RYR3: variants seen among roughly 807,000 people sequenced by gnomAD.
RYR3 encodes brain ryanodine receptor-calcium release channel.
Under a neutral mutation model 584.3 loss-of-function variants are expected in RYR3, and 207 were observed. The observed-to-expected ratio is 0.35, with a 90% CI of 0.32 to 0.40. RYR3 has a LOEUF of 0.40. Ranked by LOEUF, RYR3 falls within the 10% of genes least tolerant of loss-of-function variation. RYR3 has a pLI of 1.00. For synonymous variants in RYR3, 2,416 were observed against 2,248.5 expected (o/e 1.07, Z -2.11); for missense variants, 5,616 against 6,089.2 (o/e 0.92, Z 2.59).
At chr15:33,492,601 G>T (rs1051984831) in intron 2 of RYR3, among the ~76,000 whole-genome samples, 1 of 152,164 alleles carries the variant, frequency 6.6e-6, no homozygotes, top group African/African-American at 2.4e-5. Context: ...GTTTTCCTTG[G>T]CTTTCATTGC....
intron 3 of RYR3, among the ~76,000 whole-genome samples, chr15:33,507,041 A>G (rs2052544233): frequency 6.6e-6 from 1 of 152,192 alleles, no homozygotes; most frequent in Non-Finnish European, 1.5e-5. Flanking sequence ...TTCACTAATG[A>G]TCATGACTGC....
At chr15:33,857,987 A>C in intron 99 of RYR3, 73 bp downstream of exon 99, 2 of 1,590,518 alleles carry the variant, frequency 1.3e-6, no homozygotes, top group Admixed American at 1.7e-5. Flanking sequence ...CACTGGGAAG[A>C]AGGGCTGTGT....
At chr15:33,488,666 C>A (rs1221164284) in intron 2 of RYR3, among the ~76,000 whole-genome samples, 1 of 152,028 alleles carries the variant, frequency 6.6e-6, no homozygotes, top group Admixed American at 6.5e-5. Context: ...TCCTGGCCAA[C>A]ATGGTGAAAC....
intron 1 of RYR3, among the ~76,000 whole-genome samples, chr15:33,451,575 G>A (rs926929685): frequency 6.6e-6 from 1 of 152,228 alleles, no homozygotes; most frequent in Non-Finnish European, 1.5e-5. Context: ...GTCTGCAGCA[G>A]CGTGCCAGAA....
intron 51 of RYR3, among the ~76,000 whole-genome samples, chr15:33,742,134 G>A (rs1315018674): frequency 6.6e-6 from 1 of 152,172 alleles, no homozygotes; most frequent in Non-Finnish European, 1.5e-5. Flanking sequence ...CCCAGCCAAG[G>A]CTCCTGCAGA....
chr15:33,831,895 T>C (rs2077700681), intron 86 of RYR3, among the ~76,000 whole-genome samples: 1 of 152,190 alleles, frequency 6.6e-6, no homozygotes. Context: ...GTTTGTACTC[T>C]GCGCTGTGGT....
intron 1 of RYR3, among the ~76,000 whole-genome samples, chr15:33,314,883 T>C (rs1221713496): frequency 3.3e-5 from 5 of 151,444 alleles, no homozygotes; most frequent in African/African-American, 7.3e-5. Context: ...CACTGGACTC[T>C]AGCCTGGGCG....
chr15:33,864,561 A>G (rs1439052777), intron 103 of RYR3, among the ~76,000 whole-genome samples: 1 of 152,190 alleles, frequency 6.6e-6, no homozygotes, highest in Non-Finnish European at 1.5e-5. Flanking sequence ...TAACGACCTC[A>G]TGTGTGGGTG....
At chr15:33,578,484 A>G (rs1001438889) in intron 12 of RYR3, among the ~76,000 whole-genome samples, 3 of 152,180 alleles carry the variant, frequency 2.0e-5, no homozygotes, top group African/African-American at 7.2e-5. Context: ...GGAAGCGATT[A>G]TCCTCAGCAA....
At chr15:33,720,511 T>C (rs1212637839) in intron 43 of RYR3, among the ~76,000 whole-genome samples, 1 of 152,214 alleles carries the variant, frequency 6.6e-6, no homozygotes, top group Non-Finnish European at 1.5e-5. Flanking sequence ...TTGTGCAGTG[T>C]GTGTATTCAC....
intron 60 of RYR3, among the ~76,000 whole-genome samples, chr15:33,764,769 C>T (rs2072860865): frequency 6.6e-6 from 1 of 152,140 alleles, no homozygotes; most frequent in African/African-American, 2.4e-5. Flanking sequence ...CACGGTGGCT[C>T]ATGCCTGTAA....
In RYR3 at chr15:33,726,503, A is replaced by G; in HGVS notation, c.7030A>G (p.Lys2344Glu). The G allele has an allele frequency of 6.3e-7, 1 of 1,592,040 alleles. No homozygotes were observed. Among genetic ancestry groups the G allele is most frequent in the Non-Finnish European group, 8.6e-7 (1 of 1,168,856 alleles). ...SIPLKLPSLN[K>E]DGSVSEPDMA... Reference sequence around the variant, plus strand: ...CCCCTTGAAACTGCCCTCCCTCAACAAAGGTAAGGGGAGTGACTGCAGGCT... The same window carrying G: ...CCCCTTGAAACTGCCCTCCCTCAACGAAGGTAAGGGGAGTGACTGCAGGCT... Residue 2344 changes from lysine to glutamate, a missense_variant, in exon 46 of 104, where the codon AAA becomes GAA. Around this residue, in one of 9 missense-constraint regions of RYR3, gnomAD observed 1,280 missense variants for 1,426.2 expected, o/e 0.90. Coordinates refer to ENST00000634891, the MANE Select transcript of RYR3 (RefSeq NM_001036.6).
At chr15:33,482,550 G>T (rs1389940374) in intron 2 of RYR3, among the ~76,000 whole-genome samples, 2 of 152,154 alleles carry the variant, frequency 1.3e-5, no homozygotes, top group African/African-American at 4.8e-5. Context: ...CTCCTGAGTA[G>T]CTGGGATTAC....
At chr15:33,613,466 G>T (rs906619300) in intron 19 of RYR3, 91 bp downstream of exon 19, 3 of 1,294,368 alleles carry the variant, frequency 2.3e-6, no homozygotes, top group Non-Finnish European at 3.2e-6. Flanking sequence ...CTCCTTCAGG[G>T]CTTCAGTACT....
At chr15:33,561,996 T>C (rs2057432410) in intron 10 of RYR3, among the ~76,000 whole-genome samples, 1 of 152,186 alleles carries the variant, frequency 6.6e-6, no homozygotes, top group Admixed American at 6.5e-5. Context: ...GCTTAATGGC[T>C]TTTACAAATG....
chr15:33,393,471 A>G (rs768884936), intron 1 of RYR3, among the ~76,000 whole-genome samples: 2 of 152,224 alleles, frequency 1.3e-5, no homozygotes, highest in Non-Finnish European at 2.9e-5. Flanking sequence ...CAATTCTGGG[A>G]AGAAAGGGAG....
At chr15:33,767,644 A>C (rs1392222949) in intron 60 of RYR3, among the ~76,000 whole-genome samples, 2 of 152,196 alleles carry the variant, frequency 1.3e-5, no homozygotes, top group Non-Finnish European at 2.9e-5. Context: ...GAGCTCCGTG[A>C]TGAGTTATGA....
intron 1 of RYR3, among the ~76,000 whole-genome samples, chr15:33,382,174 G>A (rs1016161778): frequency 2.8e-5 from 4 of 140,622 alleles, no homozygotes; most frequent in Non-Finnish European, 4.6e-5. Flanking sequence ...TGGATATGGG[G>A]AAGTAAAGGA....
intron 46 of RYR3, 115 bp downstream of exon 46, chr15:33,726,621 C>A: frequency 9.0e-7 from 1 of 1,112,282 alleles, no homozygotes; most frequent in Non-Finnish European, 1.2e-6. Flanking sequence ...GCGGGCTGCA[C>A]AGGGCAAGTG....
Sources: allele counts gnomAD v4.1 joint callset (sites outside exome capture counted in the v4.1 genomes callset), GRCh38; gene constraint gnomAD v4.1.1; regional missense constraint gnomAD v4.1.1; transcripts MANE v1.5; gene names NCBI Gene and HGNC (gene_info 2026-07-23, HGNC 2026-07-21).